Variants in INPP4B observed in about 807,000 individuals in gnomAD.
INPP4B encodes the protein inositol polyphosphate 4-phosphatase type II.
In INPP4B, 55 loss-of-function variants were observed where a neutral mutation model predicts 122.5. The observed-to-expected ratio is 0.45, with a 90% CI of 0.36 to 0.56. INPP4B has a LOEUF of 0.56. Ranked by LOEUF, INPP4B falls within the 20% of genes least tolerant of loss-of-function variation. INPP4B has a pLI of 0.00. For missense variants in INPP4B, 1,000 were observed against 1,097.7 expected (o/e 0.91, Z 1.26); for synonymous variants, 403 against 388.7 (o/e 1.04, Z -0.43).
Position 142,027,868 on chromosome 4 carries a change from A to T in INPP4B, c.*914T>A, listed in dbSNP as rs1737508711. ...TTGCATATGTTTTAAAGGCTTATTA[A>T]CACACACAAACCTATGCCATAACTG... is the stretch of plus-strand genomic sequence containing the variant. On this transcript the variant is annotated 3_prime_UTR_variant, in exon 26 of 26. Transcript: ENST00000262992. 1 of 178,062 alleles carries T rather than the reference A, an allele frequency of 5.6e-6. No individual in the cohort carries two copies. Among genetic ancestry groups the T allele is most frequent in the African/African-American group, 2.4e-5 (1 of 42,306 alleles). 11.0% of individuals were successfully genotyped at this position (178,062 alleles called of 1,614,324 possible).
At chr4:142,507,140 T>G (rs956392351) in intron 2 of INPP4B, among the ~76,000 whole-genome samples, 5 of 152,164 alleles carry the variant, frequency 3.3e-5, no homozygotes, top group Admixed American at 1.3e-4. Flanking sequence ...CTATAGCCCT[T>G]AAAGCCCATT....
intron 1 of INPP4B, among the ~76,000 whole-genome samples, chr4:142,843,908 G>A (rs1417213655): frequency 1.3e-5 from 2 of 152,012 alleles, no homozygotes; most frequent in Admixed American, 1.3e-4. Context: ...GTTTCAGAAA[G>A]GAATTAATTA....
intron 17 of INPP4B, among the ~76,000 whole-genome samples, chr4:142,152,167 G>C (rs1055373248): frequency 7.1e-6 from 1 of 140,716 alleles, no homozygotes; most frequent in African/African-American, 2.7e-5. Context: ...TCCGCCTCCC[G>C]GGTTCATGCC....
chr4:142,315,744 G>A (rs6858661), intron 7 of INPP4B, among the ~76,000 whole-genome samples: 18,118 of 151,040 alleles, frequency 0.12, 1,339 homozygotes, highest in Middle Eastern at 0.2. Context: ...AGTTAAACAA[G>A]TTAAATGAAT....
intron 1 of INPP4B, among the ~76,000 whole-genome samples, chr4:142,750,782 A>G (rs941271467): frequency 9.9e-5 from 15 of 152,116 alleles, no homozygotes; most frequent in African/African-American, 3.4e-4. Flanking sequence ...TAAGTCAGAT[A>G]ATGAGCAGTC....
intron 2 of INPP4B, among the ~76,000 whole-genome samples, chr4:142,663,646 CTAAG>C: frequency 6.6e-6 from 1 of 151,890 alleles, no homozygotes; most frequent in Middle Eastern, 3.6e-3. Context: ...ATCCAAGCTG[CTAAG>C]TAATTATGTG....
chr4:142,306,229 G>GTTTTTTTTTTT (rs5862582), intron 8 of INPP4B, among the ~76,000 whole-genome samples: 2 of 135,904 alleles, frequency 1.5e-5, no homozygotes, highest in Non-Finnish European at 1.6e-5. Flanking sequence ...ACTCCAAATT[G>GTTTTTTTTTTT]TTTTTTTTTT....
At chr4:142,657,035 G>A (rs537160223) in intron 2 of INPP4B, among the ~76,000 whole-genome samples, 2 of 152,262 alleles carry the variant, frequency 1.3e-5, no homozygotes, top group Non-Finnish European at 2.9e-5. Context: ...CTGTCTGAGG[G>A]GATGAGCCCT....
chr4:142,413,500 A>G (rs1186598539), intron 5 of INPP4B, among the ~76,000 whole-genome samples: 1 of 152,226 alleles, frequency 6.6e-6, no homozygotes, highest in Non-Finnish European at 1.5e-5. Context: ...CTATCTTGCA[A>G]TCATAAAATG....
intron 2 of INPP4B, among the ~76,000 whole-genome samples, chr4:142,491,828 CA>C (rs1323079606): frequency 6.6e-6 from 1 of 152,186 alleles, no homozygotes; most frequent in Non-Finnish European, 1.5e-5. Context: ...GCCAAAAAGG[CA>C]AAAGGTAACA....
At chr4:142,251,133 G>A (rs1426461409) in intron 11 of INPP4B, among the ~76,000 whole-genome samples, 2 of 152,060 alleles carry the variant, frequency 1.3e-5, no homozygotes, top group East Asian at 1.9e-4. Context: ...ATGTTTGCTT[G>A]ATTTTAAAGT....
At chr4:142,251,736 G>C (rs1340543217) in intron 11 of INPP4B, among the ~76,000 whole-genome samples, 1 of 152,156 alleles carries the variant, frequency 6.6e-6, no homozygotes, top group Non-Finnish European at 1.5e-5. Context: ...GTTTATCTGT[G>C]TGTATAAACA....
At chr4:142,809,194 C>T (rs953748450) in intron 1 of INPP4B, among the ~76,000 whole-genome samples, 1 of 151,934 alleles carries the variant, frequency 6.6e-6, no homozygotes, top group African/African-American at 2.4e-5. Context: ...GATGTAAAAC[C>T]TATAAGATTC....
intron 25 of INPP4B, among the ~76,000 whole-genome samples, chr4:142,035,825 A>G (rs1743523934): frequency 6.6e-6 from 1 of 152,144 alleles, no homozygotes; most frequent in Non-Finnish European, 1.5e-5. Context: ...AGTTCATTCC[A>G]CCCACAGCCA....
chr4:142,732,769 G>A (rs1049778246), intron 1 of INPP4B, among the ~76,000 whole-genome samples: 41 of 151,906 alleles, frequency 2.7e-4, no homozygotes, highest in Admixed American at 6.6e-5. Context: ...AAATTAATCT[G>A]GATATTCATG....
chr4:142,095,683 GA>G (rs1303878677), intron 23 of INPP4B, among the ~76,000 whole-genome samples: 3 of 152,078 alleles, frequency 2.0e-5, no homozygotes, highest in Non-Finnish European at 4.4e-5. Flanking sequence ...GTGATTTCAC[GA>G]AAAAATTAAG....
At chr4:142,118,199 G>A (rs780612165) in intron 21 of INPP4B, among the ~76,000 whole-genome samples, 40 of 152,102 alleles carry the variant, frequency 2.6e-4, no homozygotes, top group Non-Finnish European at 4.6e-4. Flanking sequence ...AACCAATATC[G>A]TGAAAATGGC....
intron 6 of INPP4B, among the ~76,000 whole-genome samples, chr4:142,404,792 C>A (rs1195292084): frequency 6.6e-6 from 1 of 152,000 alleles, no homozygotes; most frequent in African/African-American, 2.4e-5. Context: ...TCTCTGGGTA[C>A]TGTACAACTT....
chr4:142,672,239 A>G (rs763300997), intron 2 of INPP4B, among the ~76,000 whole-genome samples: 3 of 152,176 alleles, frequency 2.0e-5, no homozygotes, highest in Non-Finnish European at 4.4e-5. Flanking sequence ...ATAAGTTTTC[A>G]TTTGTTTTCA....
Sources: allele counts gnomAD v4.1 joint callset (sites outside exome capture counted in the v4.1 genomes callset), GRCh38; gene constraint gnomAD v4.1.1; transcripts MANE v1.5; gene names NCBI Gene and HGNC (gene_info 2026-07-23, HGNC 2026-07-21).